The following DPP8 variants were observed in gnomAD, a reference collection of about 807,000 sequenced individuals.
DPP8 encodes DPP VIII.
Under a neutral mutation model 107.5 loss-of-function variants are expected in DPP8, and 31 were observed. The observed-to-expected ratio is 0.29, with a 90% confidence interval of 0.22 to 0.39. DPP8 has a LOEUF of 0.39. DPP8 is among the 10% of genes least tolerant of loss of function. The pLI is 1.00. For missense variants in DPP8, 842 were observed against 1,076.1 expected (o/e 0.78, Z 3.04); for synonymous variants, 381 against 356.6 (o/e 1.07, Z -0.77).
chr15:65,483,591 A>AC lies in DPP8; in HGVS notation c.1017+1507_1017+1508insG, dbSNP rs1286180201. On this transcript the variant is annotated intron_variant, in intron 8 of 19. Coordinates refer to ENST00000300141, the MANE Select transcript of DPP8 (RefSeq NM_130434.5). ...GCTGGAGACTTTTCTTCAAACAATAAAATAAAATAAAATAAAATAAAATAA... is the reference window on the plus strand; with the variant it reads ...GCTGGAGACTTTTCTTCAAACAATAACAATAAAATAAAATAAAATAAAATAA... Among the ~76,000 whole-genome samples, 83 of 60,734 alleles carry AC rather than the reference A, an allele frequency of 1.4e-3. 1 individual carries two copies. Among genetic ancestry groups the AC allele is most frequent in the African/African-American group, 8.1e-3 (81 of 9,978 alleles). The allele number at this position is 60,734 out of a possible 152,430, so 39.8% of individuals were successfully genotyped here.
intron 15 of DPP8, among the ~76,000 whole-genome samples, chr15:65,459,200 A>G (rs1436546513): frequency 1.3e-5 from 2 of 151,572 alleles, no homozygotes; most frequent in Non-Finnish European, 2.9e-5. Context: ...CTTTTGACAC[A>G]TGGTCTCACT....
chr15:65,473,814 C>G (rs1393234096), intron 12 of DPP8, among the ~76,000 whole-genome samples: 2 of 152,088 alleles, frequency 1.3e-5, no homozygotes, highest in African/African-American at 4.8e-5. Flanking sequence ...TTTAAAAATA[C>G]TGGGGTCGGC....
intron 12 of DPP8, among the ~76,000 whole-genome samples, chr15:65,468,434 C>T (rs1325600209): frequency 6.6e-6 from 1 of 151,236 alleles, no homozygotes; most frequent in Non-Finnish European, 1.5e-5. Flanking sequence ...TTTGAAGCTG[C>T]AGTGAGCCAT....
At position 65,487,734 on chromosome 15, in the gene DPP8, A is replaced by C; in HGVS notation, c.911T>G (p.Met304Arg). Residue 304 changes from methionine to arginine, a missense_variant, in exon 7 of 20, where the codon ATG (methionine) becomes AGG (arginine). Met to Arg is a moderately conservative substitution (Grantham distance 91). Around this residue, in one of 2 missense-constraint regions of DPP8, gnomAD observed 663 missense variants for 758.0 expected, o/e 0.87. Transcript: ENST00000300141. ...EVEIIHVTSP[M>R]LETRRADSFR... ...TGAATCTGCCCTCCTTGTTTCCAAC[A>C]TAGGGGATGTAACATGAATAATTTC... 6.2e-7 allele frequency: 1 copy of C among 1,609,338 alleles called. No individual in the cohort carries two copies. Among genetic ancestry groups the C allele is most frequent in the Non-Finnish European group, 8.5e-7 (1 of 1,176,590 alleles).
rs1368974198 is a variant in DPP8, at chr15:65,445,021, T to G, written c.*1863A>C. ...AAATATATATAAACAAATCTTGGCA[T>G]GGGAAAATATCAAACATGAAAAGCA... is the stretch of plus-strand genomic sequence containing the variant. On this transcript the variant is annotated 3_prime_UTR_variant, in exon 20 of 20. Transcript: ENST00000300141. The G allele has an allele frequency of 2.0e-5, 3 of 152,178 alleles. No homozygotes were observed. Among genetic ancestry groups the G allele is most frequent in the South Asian group, 2.1e-4 (1 of 4,834 alleles). The allele number at this position is 152,178 out of a possible 1,614,324, so 9.4% of individuals were successfully genotyped here.
chr15:65,475,753 T>C, intron 11 of DPP8: 1 of 459,278 alleles, frequency 2.2e-6, no homozygotes, highest in South Asian at 2.0e-5. Context: ...GCCCCATTTG[T>C]TTTGTTTTTG....
chr15:65,508,014 G>A (rs2070284142), intron 2 of DPP8, among the ~76,000 whole-genome samples: 1 of 151,894 alleles, frequency 6.6e-6, no homozygotes, highest in Non-Finnish European at 1.5e-5. Context: ...GAGGCAGGCA[G>A]ATCATTTGAG....
chr15:65,457,052 T>C (rs927583551), intron 15 of DPP8, among the ~76,000 whole-genome samples: 1 of 152,156 alleles, frequency 6.6e-6, no homozygotes, highest in Non-Finnish European at 1.5e-5. Context: ...AGAACTTCCA[T>C]TATAAAAAGT....
chr15:65,456,165 C>T (rs1395655681), intron 16 of DPP8, 60 bp downstream of exon 16: 3 of 1,568,814 alleles, frequency 1.9e-6, no homozygotes, highest in East Asian at 4.5e-5. Flanking sequence ...GGTTTCACAC[C>T]AAACAATGGA....
intron 15 of DPP8, among the ~76,000 whole-genome samples, chr15:65,458,403 G>C (rs1293128724): frequency 6.6e-6 from 1 of 152,098 alleles, no homozygotes; most frequent in Non-Finnish European, 1.5e-5. Flanking sequence ...TGGGATTATA[G>C]GTGTGCACCA....
At position 65,507,319 on chromosome 15, in the gene DPP8, T is replaced by C. The variant is rs1309612906; in HGVS notation, c.296A>G (p.Tyr99Cys). 1.2e-6 allele frequency: 2 copies of C among 1,611,896 alleles called. No individual in the cohort carries two copies. Among genetic ancestry groups the C allele is most frequent in the East Asian group, 2.2e-5 (1 of 44,758 alleles). ...ATTGATAGTTTTGGGAATTTCAGAA[T>C]AAAACAGTGTATTTTCTCTGTTCTC... Reference protein sequence around the residue: ...SGENRENTLFYSEIPKTINRA... With the variant: ...SGENRENTLFCSEIPKTINRA... The change falls in exon 3 of 20, where the codon TAT (tyrosine) becomes TGT (cysteine). Residue 99 changes from tyrosine to cysteine, a missense_variant. Physicochemically the swap from Tyr to Cys is radical, Grantham distance 194. Around this residue, in one of 2 missense-constraint regions of DPP8, gnomAD observed 663 missense variants for 758.0 expected, o/e 0.87. Transcript: ENST00000300141.
intron 9 of DPP8, among the ~76,000 whole-genome samples, chr15:65,481,255 T>A (rs983630736): frequency 2.0e-5 from 3 of 152,240 alleles, no homozygotes; most frequent in Non-Finnish European, 4.4e-5. Context: ...CTTAAAGCCA[T>A]ATGATTTAAT....
At chr15:65,471,656 T>TA (rs1216270239) in intron 12 of DPP8, among the ~76,000 whole-genome samples, 2 of 151,930 alleles carry the variant, frequency 1.3e-5, no homozygotes, top group African/African-American at 4.8e-5. Flanking sequence ...CTGCCTAATT[T>TA]AAAATTTTTT....
At chr15:65,457,906 A>G (rs2064569983) in intron 15 of DPP8, among the ~76,000 whole-genome samples, 1 of 151,996 alleles carries the variant, frequency 6.6e-6, no homozygotes, top group South Asian at 2.1e-4. Flanking sequence ...TAATCCTCCC[A>G]CCTCAGCCTC....
At chr15:65,488,028 G>C (rs991447988) in intron 6 of DPP8, among the ~76,000 whole-genome samples, 20 of 152,138 alleles carry the variant, frequency 1.3e-4, no homozygotes, top group African/African-American at 3.9e-4. Flanking sequence ...AACAACTGGA[G>C]ATGATATGTA....
chr15:65,461,754 C>A (rs2064945476), intron 15 of DPP8, among the ~76,000 whole-genome samples: 1 of 152,076 alleles, frequency 6.6e-6, no homozygotes, highest in Non-Finnish European at 1.5e-5. Flanking sequence ...TAGGCACTTG[C>A]CACCACTGGC....
chr15:65,516,485 A>C (rs2071455169), intron 1 of DPP8: 2 of 152,116 alleles, frequency 1.3e-5, no homozygotes, highest in Non-Finnish European at 2.9e-5. Context: ...TATAAGTTTT[A>C]ATTTTGGGCT....
At chr15:65,496,735 C>T (rs2068638426) in intron 5 of DPP8, among the ~76,000 whole-genome samples, 1 of 152,016 alleles carries the variant, frequency 6.6e-6, no homozygotes, top group South Asian at 2.1e-4. Context: ...ACTTTAGCCT[C>T]GACCTCCTAG....
chr15:65,503,961 C>T (rs1265890318), intron 3 of DPP8, among the ~76,000 whole-genome samples: 1 of 152,022 alleles, frequency 6.6e-6, no homozygotes, highest in East Asian at 2.0e-4. Flanking sequence ...GAGGTTTCAC[C>T]ATGTTGGTCA....
Sources: gnomAD v4.1 joint callset for allele counts (sites outside exome capture counted in the v4.1 genomes callset) on GRCh38, gnomAD v4.1.1 for gene constraint, gnomAD v4.1.1 regional missense constraint, MANE v1.5 for transcripts, NCBI Gene and HGNC (gene_info 2026-07-23, HGNC 2026-07-21) for gene names.